Variants in ZMYM4 observed in about 807,000 individuals in gnomAD.
ZMYM4 encodes zinc finger MYM-type protein 4.
In ZMYM4, 31 loss-of-function variants were observed where a neutral mutation model predicts 183.2. That is an observed-to-expected ratio of 0.17 (90% CI 0.13 to 0.23). ZMYM4 has a LOEUF of 0.23. ZMYM4 is among the 10% of genes least tolerant of loss of function. ZMYM4 has a pLI of 1.00. For synonymous variants in ZMYM4, 592 were observed against 631.2 expected (o/e 0.94, Z 0.93); for missense variants, 1,273 against 1,840.3 (o/e 0.69, Z 5.64).
chr1:35,421,823 TCAAA>T lies in ZMYM4; in HGVS notation c.*2151_*2154del, dbSNP rs1640334246. 1.3e-5 allele frequency: 2 copies of T among 152,188 alleles called. No individual in the cohort carries two copies. Among genetic ancestry groups the T allele is most frequent in the African/African-American group, 2.4e-5 (1 of 41,450 alleles). The allele number at this position is 152,188 out of a possible 1,614,324, so 9.4% of individuals were successfully genotyped here. On this transcript the variant is annotated 3_prime_UTR_variant, in exon 30 of 30. Transcript: ENST00000314607. Reference sequence around the variant, plus strand: ...TTTTTTTCCAGGGGAGAAAAAAACATCAAACAAAAACATCTAAATCATCCTTTTT... The same window carrying T: ...TTTTTTTCCAGGGGAGAAAAAAACATCAAAAACATCTAAATCATCCTTTTT...
intron 28 of ZMYM4, among the ~76,000 whole-genome samples, chr1:35,417,456 C>A (rs1033885973): frequency 6.6e-6 from 1 of 152,174 alleles, no homozygotes; most frequent in Admixed American, 6.5e-5. Context: ...CTCTTCCCAA[C>A]AAAGATGCCA....
Position 35,375,477 on chromosome 1 carries a change from T to C in ZMYM4, c.1181+4850T>C, listed in dbSNP as rs536944148. Among the ~76,000 whole-genome samples, 4 of 152,318 alleles carry C rather than the reference T, an allele frequency of 2.6e-5. No homozygotes were observed. In the East Asian group the frequency reaches 7.7e-4, roughly 29 times the overall value. ...ATGCATTGTTTCTCTACATAGTCTA[T>C]GTAGTCAAACAGGTTTCATTTAGAA... On this transcript the variant is annotated intron_variant, in intron 7 of 29. Coordinates refer to ENST00000314607, the MANE Select transcript of ZMYM4 (RefSeq NM_005095.3).
chr1:35,380,796 A>G (rs1466880639), intron 7 of ZMYM4, among the ~76,000 whole-genome samples: 1 of 152,152 alleles, frequency 6.6e-6, no homozygotes, highest in Non-Finnish European at 1.5e-5. Context: ...AGATATGGTA[A>G]TGTTATATTT....
At chr1:35,329,658 T>C (rs1642649885) in intron 2 of ZMYM4, among the ~76,000 whole-genome samples, 1 of 152,228 alleles carries the variant, frequency 6.6e-6, no homozygotes, top group African/African-American at 2.4e-5. Context: ...TTATTTTGAC[T>C]ACTTTCAGTG....
chr1:35,389,125 A>G lies in ZMYM4; in HGVS notation c.2436+43A>G, dbSNP rs1285641521. On this transcript the variant is annotated intron_variant, in intron 14 of 29. Coordinates refer to ENST00000314607, the MANE Select transcript of ZMYM4 (RefSeq NM_005095.3). The surrounding 1 kb of genome is among the most constrained non-coding windows in gnomAD (Gnocchi z 4.0). ...TCCTGGGTTTTTCATTCTAGGGCATAAATTATTCCCTTTTAAAATTTCATG... is the reference window on the plus strand; with the variant it reads ...TCCTGGGTTTTTCATTCTAGGGCATGAATTATTCCCTTTTAAAATTTCATG... 6.5e-7 allele frequency: 1 copy of G among 1,544,466 alleles called. No homozygotes were observed. The highest frequency in any genetic ancestry group is 8.7e-7 in the Non-Finnish European group (1 of 1,147,280).
intron 2 of ZMYM4, chr1:35,351,258 C>T (rs1249865446): frequency 1.0e-5 from 16 of 1,575,474 alleles, no homozygotes; most frequent in Non-Finnish European, 1.1e-5. Context: ...CAAACGATTC[C>T]CTGGTTATGA....
intron 1 of ZMYM4, among the ~76,000 whole-genome samples, chr1:35,316,685 G>T (rs979075676): frequency 3.9e-5 from 6 of 152,012 alleles, no homozygotes; most frequent in African/African-American, 1.4e-4. Flanking sequence ...GAGAGAATTT[G>T]CAAAAAAAGA....
chr1:35,296,182 C>T (rs1640999080), intron 1 of ZMYM4, among the ~76,000 whole-genome samples: 1 of 152,098 alleles, frequency 6.6e-6, no homozygotes, highest in Non-Finnish European at 1.5e-5. Flanking sequence ...ACAGAATGAC[C>T]CCTGGGCCTT....
intron 1 of ZMYM4, among the ~76,000 whole-genome samples, chr1:35,274,705 A>G (rs1208026613): frequency 6.6e-6 from 1 of 151,826 alleles, no homozygotes; most frequent in Admixed American, 6.6e-5. Context: ...ATCTTGTAAT[A>G]AGCAGAGACA....
At chr1:35,417,007 A>C (rs1323469384) in intron 28 of ZMYM4, among the ~76,000 whole-genome samples, 1 of 152,194 alleles carries the variant, frequency 6.6e-6, no homozygotes, top group African/African-American at 2.4e-5. Context: ...GCTAGCTGCT[A>C]AATGGAAAAT....
chr1:35,338,304 T>A (rs1643060240), intron 2 of ZMYM4, among the ~76,000 whole-genome samples: 1 of 152,260 alleles, frequency 6.6e-6, no homozygotes. Flanking sequence ...GCTTGAACTG[T>A]ACGGGTCCAC....
chr1:35,376,291 A>T (rs1644332155), intron 7 of ZMYM4, among the ~76,000 whole-genome samples: 1 of 152,206 alleles, frequency 6.6e-6, no homozygotes, highest in African/African-American at 2.4e-5. Context: ...ATGTAATCTA[A>T]TTGGACTCTA....
chr1:35,382,113 C>G (rs963055526), intron 9 of ZMYM4, among the ~76,000 whole-genome samples: 22 of 150,160 alleles, frequency 1.5e-4, no homozygotes, highest in African/African-American at 5.4e-4. Flanking sequence ...CCATTGCACT[C>G]CAGCCTGGGC....
rs1191633637 is a variant in ZMYM4 at position 35,389,870 on chromosome 1, G to T, written c.2437-78G>T. 1.6e-5 allele frequency: 24 copies of T among 1,470,102 alleles called. No individual in the cohort carries two copies. The highest frequency in any genetic ancestry group is 2.9e-5 in the African/African-American group (2 of 69,744). The allele number at this position is 1,470,102 out of a possible 1,614,324, so 91.1% of individuals were successfully genotyped here. Reference sequence around the variant, plus strand: ...AAATTCTAAGTTAATTTCGTCACTTGTTATGTGTGTCTTATTTTTATTTTG... The same window carrying T: ...AAATTCTAAGTTAATTTCGTCACTTTTTATGTGTGTCTTATTTTTATTTTG... On this transcript the variant is annotated intron_variant, in intron 14 of 29. Transcript: ENST00000314607. The surrounding 1 kb of genome is among the most constrained non-coding windows in gnomAD (Gnocchi z 4.0).
intron 26 of ZMYM4, among the ~76,000 whole-genome samples, chr1:35,410,700 C>A (rs1382540150): frequency 7.3e-6 from 1 of 136,068 alleles, no homozygotes; most frequent in Non-Finnish European, 1.5e-5. Context: ...ACAGTATTAG[C>A]CAGGATGGTT....
chr1:35,277,514 A>G (rs932943152), intron 1 of ZMYM4, among the ~76,000 whole-genome samples: 3 of 152,178 alleles, frequency 2.0e-5, no homozygotes, highest in Admixed American at 6.5e-5. Context: ...TGGTGGTTCT[A>G]CTTTTAGTGA....
At chr1:35,370,727 C>CTTTTT (rs3066096) in intron 7 of ZMYM4, 100 bp downstream of exon 7, 87 of 284,142 alleles carry the variant, frequency 3.1e-4, no homozygotes, top group African/African-American at 6.3e-4. Flanking sequence ...ACATTTATTC[C>CTTTTT]TTTTTTTTTT....
intron 1 of ZMYM4, among the ~76,000 whole-genome samples, chr1:35,280,508 G>A (rs1302149304): frequency 1.3e-5 from 2 of 152,066 alleles, no homozygotes; most frequent in Non-Finnish European, 2.9e-5. Context: ...AGTTTCCTGG[G>A]TTTGCCATAA....
chr1:35,317,122 C>CAA (rs763716832), intron 1 of ZMYM4, among the ~76,000 whole-genome samples: 4 of 96,844 alleles, frequency 4.1e-5, no homozygotes, highest in Non-Finnish European at 2.1e-5. Flanking sequence ...GACTTCATCT[C>CAA]AAAAAAAAAA....
Sources: gnomAD v4.1 joint callset for allele counts (sites outside exome capture counted in the v4.1 genomes callset) on GRCh38, gnomAD v4.1.1 for gene constraint, Gnocchi (gnomAD v3.1) non-coding constraint, MANE v1.5 for transcripts, NCBI Gene and HGNC (gene_info 2026-07-23, HGNC 2026-07-21) for gene names.